AXIN1: variants seen among roughly 807,000 people sequenced by gnomAD.
The protein encoded by AXIN1 is axin-1.
In AXIN1, 30 loss-of-function variants were observed where a neutral mutation model predicts 76.4. That is an observed-to-expected ratio of 0.39 (90% confidence interval 0.29 to 0.53). The LOEUF (loss-of-function observed/expected upper bound fraction) is 0.53. Among genes scored for constraint, AXIN1 ranks in the 20% least tolerant of loss-of-function variants. The probability of loss-of-function intolerance (pLI) is 0.66; values close to 1 mark genes in which losing one functional copy is unlikely to be tolerated. For synonymous variants in AXIN1, 545 were observed against 501.4 expected (o/e 1.09, Z -1.16); for missense variants, 1,140 against 1,198.8 (o/e 0.95, Z 0.72).
intron 2 of AXIN1, among the ~76,000 whole-genome samples, chr16:326,370 A>ATAT (rs1415761664): frequency 3.5e-4 from 33 of 93,000 alleles, no homozygotes; most frequent in African/African-American, 1.0e-3. Flanking sequence ...AAAAAAAAAA[A>ATAT]AAATATATAT....
intron 3 of AXIN1, among the ~76,000 whole-genome samples, chr16:313,832 C>T (rs959379399): frequency 6.6e-6 from 1 of 152,224 alleles, no homozygotes; most frequent in Non-Finnish European, 1.5e-5. Flanking sequence ...AAGCACGTTC[C>T]TACACATGGG....
rs2054039534 is a variant in AXIN1 at position 346,591 on chromosome 16, G to A, written c.435C>T (p.Tyr145=). 1 of 1,608,486 alleles carries A rather than the reference G, an allele frequency of 6.2e-7. No homozygotes were observed. Among genetic ancestry groups the A allele is most frequent in the Non-Finnish European group, 8.5e-7 (1 of 1,176,154 alleles). The part of the protein sequence containing the change: ...EKRLKLARAI[Y]RKYILDNNGI... Reference sequence around the variant, plus strand: ...CATTGTTATCAAGAATGTACTTTCGGTAGATGGCTCTCGCCAGCTTCAGCC... The same window carrying A: ...CATTGTTATCAAGAATGTACTTTCGATAGATGGCTCTCGCCAGCTTCAGCC... Residue 145 remains tyrosine (Y), a synonymous_variant, in exon 2 of 11, where the codon TAC becomes TAT. Transcript: ENST00000262320.
chr16:301,555 C>T (rs1447709550), intron 5 of AXIN1, among the ~76,000 whole-genome samples: 1 of 152,164 alleles, frequency 6.6e-6, no homozygotes, highest in East Asian at 1.9e-4. Flanking sequence ...CTTCGGGAAG[C>T]TGAGGTAGGA....
chr16:325,550 T>TC (rs1567292054), intron 2 of AXIN1, among the ~76,000 whole-genome samples: 1 of 151,986 alleles, frequency 6.6e-6, no homozygotes. Context: ...ACGTCTCGCC[T>TC]CCCCCAGTCC....
intron 2 of AXIN1, among the ~76,000 whole-genome samples, chr16:320,877 C>T (rs1567287454): frequency 6.7e-6 from 1 of 149,826 alleles, no homozygotes; most frequent in Non-Finnish European, 1.5e-5. Context: ...GTAGCTGGGA[C>T]TCCAGGCACA....
intron 9 of AXIN1, chr16:290,687 G>A (rs985074865): frequency 2.3e-5 from 6 of 265,236 alleles, no homozygotes; most frequent in Admixed American, 1.5e-4. Context: ...TTTCTCACGG[G>A]TTCAGAGCAG....
chr16:318,170 A>C (rs1449458017), intron 2 of AXIN1, among the ~76,000 whole-genome samples: 1 of 152,270 alleles, frequency 6.6e-6, no homozygotes. Flanking sequence ...CACATACAGC[A>C]GAACGAAGCC....
chr16:352,155 C>G (rs1385983330), intron 1 of AXIN1, among the ~76,000 whole-genome samples: 1 of 151,886 alleles, frequency 6.6e-6, no homozygotes, highest in Non-Finnish European at 1.5e-5. Context: ...GCCCCTGCAG[C>G]TGCTCCGTGC....
At chr16:297,697 T>TC (rs2052751984) in intron 6 of AXIN1, 25 bp downstream of exon 6, 1 of 1,582,876 alleles carries the variant, frequency 6.3e-7, no homozygotes, top group Non-Finnish European at 8.5e-7. Flanking sequence ...CCAAGCCCCC[T>TC]CCTCACTGAC....
In AXIN1 at chr16:352,519, C is replaced by T. The variant is rs1301083041; in HGVS notation, c.-232G>A. 1.1e-5 allele frequency: 8 copies of T among 730,936 alleles called. No homozygotes were observed. The highest frequency in any genetic ancestry group is 1.2e-4 in the South Asian group (2 of 16,436). 45.3% of individuals were successfully genotyped at this position (730,936 alleles called of 1,614,324 possible). A position where few individuals can be genotyped will look rare whatever the true frequency, so the allele number is the denominator to read the frequency against. The stretch of plus-strand genomic sequence containing the variant: ...ATCTCGGCGGCTGCGGCTCGGCGGC[C>T]CGGAGGCGGACGCGGGGCAGGCCGC... On this transcript the variant is annotated 5_prime_UTR_variant, in exon 1 of 11. Transcript: ENST00000262320.
At chr16:341,012 C>G (rs531068255) in intron 2 of AXIN1, among the ~76,000 whole-genome samples, 13 of 152,370 alleles carry the variant, frequency 8.5e-5, no homozygotes, top group Middle Eastern at 6.8e-3. Flanking sequence ...GCAAAGTAGC[C>G]TCCAGGACAG....
chr16:288,559 C>G (rs2052455685), intron 10 of AXIN1, among the ~76,000 whole-genome samples: 1 of 152,226 alleles, frequency 6.6e-6, no homozygotes, highest in African/African-American at 2.4e-5. Flanking sequence ...GTCTGCTTCC[C>G]AAGGGCTGAG....
Position 297,745 on chromosome 16 carries a change from G to T in AXIN1, c.1761C>A (p.Asn587Lys). The T allele has an allele frequency of 6.3e-7, 1 of 1,598,612 alleles. No homozygotes were observed. Among genetic ancestry groups the T allele is most frequent in the Middle Eastern group, 1.7e-4 (1 of 5,996 alleles). The change falls in exon 6 of 11, where the codon AAC (asparagine) becomes AAA (lysine). Residue 587 changes from asparagine (N) to lysine (K), a missense_variant. Asn to Lys is a moderately conservative substitution (Grantham distance 94). Coordinates refer to ENST00000262320, the MANE Select transcript of AXIN1 (RefSeq NM_003502.4). ...ACCTGTGGGCGAGGCCATCACTGGCGTTGGGGGCAGCGCCAACACTCTCTG... is the reference window on the plus strand; with the variant it reads ...ACCTGTGGGCGAGGCCATCACTGGCTTTGGGGGCAGCGCCAACACTCTCTG... ...GYSESVGAAP[N>K]ASDGLAHSGK...
At chr16:337,200 T>C (rs984603106) in intron 2 of AXIN1, among the ~76,000 whole-genome samples, 1 of 150,588 alleles carries the variant, frequency 6.6e-6, no homozygotes, top group Admixed American at 6.6e-5. Context: ...TGTATCCTTT[T>C]TAAAGAAAAA....
Position 287,764 on chromosome 16 carries a change from C to T in AXIN1, c.*358G>A, listed in dbSNP as rs1054286406. The T allele has an allele frequency of 2.5e-5, 11 of 431,564 alleles. No individual in the cohort carries two copies. The highest frequency in any genetic ancestry group is 8.2e-5 in the East Asian group (2 of 24,412). The allele number at this position is 431,564 out of a possible 1,614,324, so 26.7% of individuals were successfully genotyped here. ...CCTGGGCCCCACCCAGACCTGGGTA[C>T]GTGGGCAAATCCCAGAGGGAAAGTA... is the stretch of plus-strand genomic sequence containing the variant. On this transcript the variant is annotated 3_prime_UTR_variant, in exon 11 of 11. Coordinates refer to ENST00000262320, the MANE Select transcript of AXIN1 (RefSeq NM_003502.4).
rs1313380508 is a variant in AXIN1 at position 293,761 on chromosome 16, T to G, written c.1956-43A>C. ...CAAGTTGTGACTGTGGCCGACACCC[T>G]GGCCAGGTGGCCTGGTGGGGCTACA... On this transcript the variant is annotated intron_variant, in intron 7 of 10. Coordinates refer to ENST00000262320, the MANE Select transcript of AXIN1 (RefSeq NM_003502.4). This position sits in a 1 kb window ranked among gnomAD's most constrained non-coding sequence, Gnocchi z 4.6. 2.5e-6 allele frequency: 4 copies of G among 1,574,036 alleles called. No individual in the cohort carries two copies. The highest frequency in any genetic ancestry group is 3.5e-6 in the Non-Finnish European group (4 of 1,147,868).
intron 2 of AXIN1, among the ~76,000 whole-genome samples, chr16:317,050 G>A (rs542984460): frequency 3.9e-5 from 6 of 152,288 alleles, no homozygotes; most frequent in South Asian, 2.1e-4. Flanking sequence ...GCACACCTGC[G>A]CATCAGAGTC....
chr16:338,585 A>G (rs962400485), intron 2 of AXIN1, among the ~76,000 whole-genome samples: 2 of 152,252 alleles, frequency 1.3e-5, no homozygotes, highest in African/African-American at 4.8e-5. Context: ...GCTAAGGAAG[A>G]GAAAAAATAT....
At chr16:344,886 G>A (rs1252377372) in intron 2 of AXIN1, among the ~76,000 whole-genome samples, 1 of 152,190 alleles carries the variant, frequency 6.6e-6, no homozygotes, top group Non-Finnish European at 1.5e-5. Context: ...CTGTGTCACA[G>A]TAAGCTTGAA....
Sources: allele counts gnomAD v4.1 joint callset (sites outside exome capture counted in the v4.1 genomes callset), GRCh38; gene constraint gnomAD v4.1.1; non-coding constraint Gnocchi (gnomAD v3.1); transcripts MANE v1.5; gene names NCBI Gene and HGNC (gene_info 2026-07-23, HGNC 2026-07-21).